The following PTPRG variants were observed in gnomAD, a reference collection of about 807,000 sequenced individuals.
PTPRG encodes receptor-type tyrosine-protein phosphatase gamma.
In PTPRG, 102 loss-of-function variants were observed where a neutral mutation model predicts 165.3. The ratio of observed to expected loss-of-function variants is 0.62; its 90% CI spans 0.53 to 0.73. The LOEUF (loss-of-function observed/expected upper bound fraction) is 0.73. Ranked by LOEUF, PTPRG falls within the 30% of genes least tolerant of loss-of-function variation. PTPRG has a pLI of 0.00. For missense variants in PTPRG, 1,866 were observed against 1,861.4 expected, an observed-to-expected ratio of 1.00 and a Z score of -0.05; for synonymous variants, 675 against 669.5, an observed-to-expected ratio of 1.01 and a Z score of -0.13.
rs888561770 is a variant in PTPRG at position 62,294,621 on chromosome 3, C to T, written c.*1314C>T. On this transcript the variant is annotated 3_prime_UTR_variant, in exon 30 of 30. Transcript: ENST00000474889. The stretch of plus-strand genomic sequence containing the variant: ...GGTGCAGCCTCTGGAGCCATACTCA[C>T]GCTGCAGTGCATAATGGGAAAATTA... 3.3e-5 allele frequency: 5 copies of T among 152,018 alleles called. No homozygotes were observed. Among genetic ancestry groups the T allele is most frequent in the Non-Finnish European group, 4.4e-5 (3 of 67,998 alleles). 9.4% of individuals were successfully genotyped at this position (152,018 alleles called of 1,614,324 possible).
intron 9 of PTPRG, 62 bp from the exon 10 acceptor site, chr3:62,195,000 G>C (rs1271458021): frequency 2.6e-6 from 4 of 1,519,244 alleles, no homozygotes; most frequent in East Asian, 4.5e-5. Context: ...TTTGGCTTTA[G>C]AATGCAAAGT....
chr3:62,044,203 A>G (rs1167927341), intron 4 of PTPRG, among the ~76,000 whole-genome samples: 1 of 152,242 alleles, frequency 6.6e-6, no homozygotes, highest in African/African-American at 2.4e-5. Flanking sequence ...AGCACTACTG[A>G]GCAAGTCACT....
intron 4 of PTPRG, among the ~76,000 whole-genome samples, chr3:62,006,979 G>A (rs911018102): frequency 1.3e-5 from 2 of 152,172 alleles, no homozygotes; most frequent in African/African-American, 4.8e-5. Context: ...TTGTTTCTTG[G>A]GAAGTCATTC....
chr3:62,249,334 A>C (rs1254823726), intron 15 of PTPRG, among the ~76,000 whole-genome samples: 1 of 152,154 alleles, frequency 6.6e-6, no homozygotes, highest in Admixed American at 6.5e-5. Flanking sequence ...GAATTCCTGA[A>C]AATGAGGTCT....
At chr3:62,017,453 T>C (rs1021722111) in intron 4 of PTPRG, among the ~76,000 whole-genome samples, 8 of 151,714 alleles carry the variant, frequency 5.3e-5, no homozygotes, top group African/African-American at 1.7e-4. Context: ...TCTCGCTCTT[T>C]CGCCCAGGCT....
At chr3:61,733,290 G>T in intron 1 of PTPRG, among the ~76,000 whole-genome samples, 1 of 152,054 alleles carries the variant, frequency 6.6e-6, no homozygotes, top group East Asian at 1.9e-4. Flanking sequence ...CTATGTTGTA[G>T]CCCCTCACAC....
chr3:61,704,468 A>G (rs144485828), intron 1 of PTPRG, among the ~76,000 whole-genome samples: 2 of 152,226 alleles, frequency 1.3e-5, no homozygotes, highest in African/African-American at 4.8e-5. Context: ...TTTGAAAAAC[A>G]AATACAAATT....
intron 1 of PTPRG, among the ~76,000 whole-genome samples, chr3:61,669,120 G>C (rs1200136776): frequency 6.6e-6 from 1 of 152,186 alleles, no homozygotes; most frequent in Non-Finnish European, 1.5e-5. Context: ...GCTGAGCTGC[G>C]CTGCTCTCTA....
At chr3:61,778,467 G>C (rs1322450693) in intron 2 of PTPRG, among the ~76,000 whole-genome samples, 1 of 152,146 alleles carries the variant, frequency 6.6e-6, no homozygotes, top group Non-Finnish European at 1.5e-5. Context: ...GAAAACTTGG[G>C]ATGGGGGTGG....
intron 1 of PTPRG, among the ~76,000 whole-genome samples, chr3:61,612,648 T>C (rs894171861): frequency 6.6e-6 from 1 of 152,196 alleles, no homozygotes; most frequent in African/African-American, 2.4e-5. Flanking sequence ...CCCCGTCTTC[T>C]CTACATTAAA....
rs796896718 is a variant in PTPRG at position 61,825,885 on chromosome 3, A to T, written c.190+76903A>T. Among the ~76,000 whole-genome samples, 12 of 152,138 alleles carry T rather than the reference A, an allele frequency of 7.9e-5. 1 individual carries two copies. Among genetic ancestry groups the T allele is most frequent in the African/African-American group, 2.6e-4 (11 of 41,510 alleles). On this transcript the variant is annotated intron_variant, in intron 2 of 29. Coordinates refer to ENST00000474889, the MANE Select transcript of PTPRG (RefSeq NM_002841.4). ...AGGCTTGTCTCAAACTTCTAGACTC[A>T]AGTAATTTTCCTGCCTCAGCCTCCC...
At chr3:61,662,759 G>A (rs1053478879) in intron 1 of PTPRG, among the ~76,000 whole-genome samples, 12 of 152,130 alleles carry the variant, frequency 7.9e-5, no homozygotes, top group Non-Finnish European at 1.3e-4. Context: ...GGAATGTTTT[G>A]GGGTTAGATT....
rs140343438 is a variant in PTPRG, at chr3:61,787,296, G to A, written c.190+38314G>A. Reference sequence around the variant, plus strand: ...GTAAATGATTAAGGATAATTACTCTGGAAAGAATCCGGAAACAAGAGAAAC... The same window carrying A: ...GTAAATGATTAAGGATAATTACTCTAGAAAGAATCCGGAAACAAGAGAAAC... On this transcript the variant is annotated intron_variant, in intron 2 of 29. Transcript: ENST00000474889. 3.3e-3 allele frequency among the ~76,000 whole-genome samples: 505 copies of A among 152,218 alleles called. 12 individuals are homozygous for A. The highest frequency in any genetic ancestry group is 0.016 in the Admixed American group (252 of 15,278).
chr3:61,836,911 AT>A (rs1025760600), intron 2 of PTPRG, among the ~76,000 whole-genome samples: 105 of 120,234 alleles, frequency 8.7e-4, no homozygotes, highest in South Asian at 2.9e-3. Context: ...GGCCTGGCTG[AT>A]TTTTTTTTTT....
intron 2 of PTPRG, among the ~76,000 whole-genome samples, chr3:61,850,638 C>T (rs2036939611): frequency 6.6e-6 from 1 of 152,044 alleles, no homozygotes; most frequent in Non-Finnish European, 1.5e-5. Context: ...CACATTGTGG[C>T]TATTTTATAG....
At chr3:61,653,452 TTTTA>T (rs1486496409) in intron 1 of PTPRG, among the ~76,000 whole-genome samples, 1 of 74,528 alleles carries the variant, frequency 1.3e-5, no homozygotes, top group Non-Finnish European at 2.6e-5. Flanking sequence ...ATGTTGGACA[TTTTA>T]TTTGTTTTCA....
At chr3:61,857,897 G>A (rs559818193) in intron 2 of PTPRG, among the ~76,000 whole-genome samples, 39 of 152,172 alleles carry the variant, frequency 2.6e-4, no homozygotes, top group African/African-American at 8.7e-4. Context: ...TGTTGTGGGG[G>A]CTCTCCTCTG....
At chr3:62,204,998 A>G (rs752830617) in intron 12 of PTPRG, among the ~76,000 whole-genome samples, 9 of 152,022 alleles carry the variant, frequency 5.9e-5, no homozygotes, top group Non-Finnish European at 1.0e-4. Context: ...TTGTGGAGTT[A>G]TAAGAGTGCA....
At chr3:62,178,247 A>C (rs943773864) in intron 8 of PTPRG, among the ~76,000 whole-genome samples, 3 of 152,078 alleles carry the variant, frequency 2.0e-5, no homozygotes, top group Admixed American at 1.3e-4. Context: ...GCATGGATCC[A>C]TGGATGTATG....
Sources: gnomAD v4.1 joint callset for allele counts (sites outside exome capture counted in the v4.1 genomes callset) on GRCh38, gnomAD v4.1.1 for gene constraint, MANE v1.5 for transcripts, NCBI Gene and HGNC (gene_info 2026-07-23, HGNC 2026-07-21) for gene names.